AGBL3: variants seen among roughly 807,000 people sequenced by gnomAD.
AGBL3 encodes the protein cytosolic carboxypeptidase 3.
In AGBL3, 68 loss-of-function variants were observed where a neutral mutation model predicts 94.5. The observed-to-expected ratio is 0.72, with a 90% CI of 0.59 to 0.88. The LOEUF (loss-of-function observed/expected upper bound fraction) is 0.88. Among genes scored for constraint, AGBL3 ranks in the 40% least tolerant of loss-of-function variants. The pLI is 0.00. For synonymous variants in AGBL3, 354 were observed against 370.7 expected (o/e 0.95, Z 0.52); for missense variants, 934 against 1,103.8 (o/e 0.85, Z 2.18).
chr7:135,037,170 TCA>T, intron 7 of AGBL3, among the ~76,000 whole-genome samples: 1 of 152,338 alleles, frequency 6.6e-6, no homozygotes, highest in Non-Finnish European at 1.5e-5. Context: ...GCCACCTGCC[TCA>T]GTCTCCCAAA....
chr7:135,010,989 G>T (rs1246520974), intron 4 of AGBL3: 6 of 152,078 alleles, frequency 3.9e-5, no homozygotes, highest in Non-Finnish European at 8.8e-5. Flanking sequence ...AATGCATATG[G>T]AAATGCCAAC....
chr7:135,062,330 AACAAGG>A (rs1818912487), intron 12 of AGBL3, among the ~76,000 whole-genome samples: 1 of 151,952 alleles, frequency 6.6e-6, no homozygotes, highest in Non-Finnish European at 1.5e-5. Context: ...GTTGTCTCCA[AACAAGG>A]ACAATTTAAC....
intron 12 of AGBL3, among the ~76,000 whole-genome samples, chr7:135,063,850 T>C (rs1229275480): frequency 6.6e-6 from 1 of 152,220 alleles, no homozygotes; most frequent in Non-Finnish European, 1.5e-5. Context: ...TGGCTTACAA[T>C]AGCAAACATG....
chr7:134,993,016 C>G (rs1384777686), intron 3 of AGBL3, among the ~76,000 whole-genome samples: 1 of 152,178 alleles, frequency 6.6e-6, no homozygotes, highest in African/African-American at 2.4e-5. Flanking sequence ...TGGCCCCATA[C>G]TAGTCTATGT....
chr7:135,074,881 AT>A (rs1184446178), intron 12 of AGBL3, among the ~76,000 whole-genome samples: 1 of 152,186 alleles, frequency 6.6e-6, no homozygotes, highest in Non-Finnish European at 1.5e-5. Context: ...TCAGATATTG[AT>A]TATGTGCCGT....
At chr7:134,995,765 A>G (rs1014667311) in intron 4 of AGBL3, among the ~76,000 whole-genome samples, 1 of 152,154 alleles carries the variant, frequency 6.6e-6, no homozygotes. Context: ...TGGTCACACT[A>G]TCTGTGCAAG....
At chr7:135,045,673 AGTGT>A in intron 10 of AGBL3, 99 bp downstream of exon 10, 1 of 1,345,996 alleles carries the variant, frequency 7.4e-7, no homozygotes, top group Non-Finnish European at 1.0e-6. Flanking sequence ...ATGTCCCAAC[AGTGT>A]TGTTGGGGTT....
At chr7:135,010,157 TAGCAGAGACTAC>T (rs1812941721) in intron 4 of AGBL3, 1 of 392,024 alleles carries the variant, frequency 2.6e-6, no homozygotes, top group Non-Finnish European at 4.9e-6. Flanking sequence ...GCCTCCTGAG[TAGCAGAGACTAC>T]AGGCGCGTGC....
Position 135,077,819 on chromosome 7 carries a change from C to T in AGBL3, c.1980+1351C>T, listed in dbSNP as rs368537187. Among the ~76,000 whole-genome samples, 699 of 152,252 alleles carry T rather than the reference C, an allele frequency of 4.6e-3. 3 individuals carry two copies. The highest frequency in any genetic ancestry group is 0.016 in the African/African-American group (667 of 41,552). Reference sequence around the variant, plus strand: ...ATGCTCGAGCTCACTCCTGAGATCTCATCAGGAAGCGGCTGATCACCAGTC... The same window carrying T: ...ATGCTCGAGCTCACTCCTGAGATCTTATCAGGAAGCGGCTGATCACCAGTC... On this transcript the variant is annotated intron_variant, in intron 13 of 16. Transcript: ENST00000436302.
At chr7:134,996,100 T>C (rs890371385) in intron 4 of AGBL3, among the ~76,000 whole-genome samples, 4 of 152,218 alleles carry the variant, frequency 2.6e-5, no homozygotes, top group Non-Finnish European at 4.4e-5. Flanking sequence ...TCACAGAGCA[T>C]TCTTCTGTGT....
chr7:135,009,006 T>C (rs530594275), intron 4 of AGBL3, among the ~76,000 whole-genome samples: 7 of 152,260 alleles, frequency 4.6e-5, no homozygotes, highest in African/African-American at 9.6e-5. Context: ...TGTGGAGAGA[T>C]TGGAACCCTT....
intron 5 of AGBL3, among the ~76,000 whole-genome samples, chr7:135,030,510 T>G (rs1162730469): frequency 6.6e-6 from 1 of 152,208 alleles, no homozygotes; most frequent in African/African-American, 2.4e-5. Flanking sequence ...TTTTTCTCTT[T>G]GGCTGTCTTC....
At chr7:134,990,181 G>A (rs1477453179) in intron 3 of AGBL3, among the ~76,000 whole-genome samples, 3 of 152,022 alleles carry the variant, frequency 2.0e-5, no homozygotes, top group Non-Finnish European at 4.4e-5. Flanking sequence ...TGCTTCCTTT[G>A]TTTAGAACAT....
At chr7:135,025,438 C>A (rs1814982847) in intron 5 of AGBL3, among the ~76,000 whole-genome samples, 1 of 151,540 alleles carries the variant, frequency 6.6e-6, no homozygotes, top group Non-Finnish European at 1.5e-5. Flanking sequence ...TATCACTAGA[C>A]CAGCCTTACA....
chr7:134,994,551 C>T (rs966624005), intron 4 of AGBL3, among the ~76,000 whole-genome samples: 3 of 152,080 alleles, frequency 2.0e-5, no homozygotes, highest in Admixed American at 6.5e-5. Context: ...GATTGAGGCA[C>T]GCAAACATAT....
At chr7:135,082,299 A>G (rs529202147) in intron 15 of AGBL3, among the ~76,000 whole-genome samples, 42 of 152,252 alleles carry the variant, frequency 2.8e-4, no homozygotes, top group African/African-American at 9.9e-4. Flanking sequence ...ATTTTCCCCA[A>G]TTCTCCTTGA....
chr7:135,057,489 C>T (rs1239569413), intron 11 of AGBL3, among the ~76,000 whole-genome samples: 4 of 152,092 alleles, frequency 2.6e-5, no homozygotes, highest in African/African-American at 7.2e-5. Context: ...AGTGAAATAT[C>T]ATGACACACC....
At chr7:135,000,715 A>G (rs1563169930) in intron 4 of AGBL3, among the ~76,000 whole-genome samples, 1 of 152,218 alleles carries the variant, frequency 6.6e-6, no homozygotes, top group South Asian at 2.1e-4. Flanking sequence ...TTTTCAACTA[A>G]TGTCCAATAG....
chr7:135,129,159 T>G, intron 16 of AGBL3: 1 of 1,470,530 alleles, frequency 6.8e-7, no homozygotes, highest in Non-Finnish European at 9.5e-7. Context: ...TCTCCTCCAG[T>G]CCACCTTGGA....
Sources: allele counts gnomAD v4.1 joint callset (sites outside exome capture counted in the v4.1 genomes callset), GRCh38; gene constraint gnomAD v4.1.1; transcripts MANE v1.5; gene names NCBI Gene and HGNC (gene_info 2026-07-23, HGNC 2026-07-21).